Variants in PRKCH observed in about 807,000 individuals in gnomAD.
The protein encoded by PRKCH is protein kinase C eta.
In PRKCH, 28 loss-of-function variants were observed where a neutral mutation model predicts 82.5. The ratio of observed to expected loss-of-function variants is 0.34; its 90% CI spans 0.25 to 0.47. The LOEUF (loss-of-function observed/expected upper bound fraction) is 0.47. PRKCH is among the 20% of genes least tolerant of loss of function. PRKCH has a pLI of 1.00. For missense variants in PRKCH, 705 were observed against 881.8 expected (o/e 0.80, Z 2.54); for synonymous variants, 322 against 327.4 (o/e 0.98, Z 0.18).
intron 6 of PRKCH, among the ~76,000 whole-genome samples, chr14:61,451,212 C>T (rs1349595773): frequency 6.6e-6 from 1 of 151,990 alleles, no homozygotes; most frequent in Non-Finnish European, 1.5e-5. Context: ...TGATCTAGCT[C>T]GCTAGCTGAC....
At chr14:61,326,070 A>G (rs1334635410) in intron 1 of PRKCH, among the ~76,000 whole-genome samples, 2 of 152,260 alleles carry the variant, frequency 1.3e-5, no homozygotes. Flanking sequence ...ACTATCAAAC[A>G]TATGCCTACT....
chr14:61,228,627 A>G (rs561574818), intron 1 of PRKCH, among the ~76,000 whole-genome samples: 14 of 150,524 alleles, frequency 9.3e-5, no homozygotes, highest in Middle Eastern at 3.4e-3. Flanking sequence ...TTTTTTTTCT[A>G]GTAACAAATG....
chr14:61,345,725 C>A (rs1473603014), intron 1 of PRKCH, among the ~76,000 whole-genome samples: 1 of 152,188 alleles, frequency 6.6e-6, no homozygotes, highest in African/African-American at 2.4e-5. Context: ...TGGGAGGCAA[C>A]TGAGGCTCAG....
At chr14:61,210,772 CTCTCTCTCTCTCTCTCTCTGTG>C (rs1228505642) in intron 1 of PRKCH, among the ~76,000 whole-genome samples, 452 of 135,272 alleles carry the variant, frequency 3.3e-3, no homozygotes, top group Non-Finnish European at 5.4e-3. Context: ...CTCTCTCTCT[CTCTCTCTCTCTCTCTCTCTGTG>C]TGTGTGTGTG....
rs35045657 is a variant in PRKCH at position 61,287,204 on chromosome 14, T to TAAAAAAAAA, written c.-19+99558_-19+99566dup. Among the ~76,000 whole-genome samples, 4 of 57,930 alleles carry TAAAAAAAAA rather than the reference T, an allele frequency of 6.9e-5. No homozygotes were observed. In the East Asian group the frequency reaches 1.7e-3, roughly 25 times the overall value. The allele number at this position is 57,930 out of a possible 152,430, so 38.0% of individuals were successfully genotyped here. A position where few individuals can be genotyped will look rare whatever the true frequency, so the allele number is the denominator to read the frequency against. On this transcript the variant is annotated intron_variant, in intron 1 of 3. Transcript: ENST00000555185. ...TGAGCAACAGTGCAAGACTCCGTCT[T>TAAAAAAAAA]AAAAAAAAAAAAAAAAAAAAAAAAA...
intron 1 of PRKCH, among the ~76,000 whole-genome samples, chr14:61,360,398 G>A (rs1346576320): frequency 5.3e-5 from 8 of 152,064 alleles, no homozygotes; most frequent in African/African-American, 7.2e-5. Context: ...CCAGCTACTC[G>A]GGAGGCTGAG....
At chr14:61,523,530 A>G (rs2042930602) in intron 10 of PRKCH, among the ~76,000 whole-genome samples, 1 of 152,240 alleles carries the variant, frequency 6.6e-6, no homozygotes, top group African/African-American at 2.4e-5. Flanking sequence ...GTCTAGCTAT[A>G]TAATCTTGGG....
chr14:61,545,452 GTCA>G (rs2043243567), intron 12 of PRKCH, among the ~76,000 whole-genome samples: 1 of 152,156 alleles, frequency 6.6e-6, no homozygotes, highest in Admixed American at 6.5e-5. Context: ...CACTGTCTTT[GTCA>G]TCTGCGTATC....
intron 2 of PRKCH, among the ~76,000 whole-genome samples, chr14:61,425,112 T>C (rs1375621474): frequency 1.3e-5 from 2 of 152,220 alleles, no homozygotes; most frequent in African/African-American, 2.4e-5. Flanking sequence ...AAAGCCCTCA[T>C]AGAGAACCTC....
At chr14:61,377,328 T>G (rs1490152824) in intron 1 of PRKCH, among the ~76,000 whole-genome samples, 2 of 152,264 alleles carry the variant, frequency 1.3e-5, no homozygotes, top group African/African-American at 4.8e-5. Flanking sequence ...TTAGACTTAG[T>G]GTTTACCTTT....
intron 9 of PRKCH, among the ~76,000 whole-genome samples, chr14:61,470,617 G>T (rs1191589794): frequency 6.6e-6 from 1 of 152,074 alleles, no homozygotes; most frequent in African/African-American, 2.4e-5. Flanking sequence ...CTTTCTGTGG[G>T]AGGCTTCCAA....
intron 12 of PRKCH, among the ~76,000 whole-genome samples, chr14:61,542,174 C>A (rs2043195634): frequency 6.6e-6 from 1 of 152,030 alleles, no homozygotes; most frequent in Non-Finnish European, 1.5e-5. Context: ...CCTGTAATCC[C>A]AGCTACTCGG....
intron 1 of PRKCH, among the ~76,000 whole-genome samples, chr14:61,286,185 T>A (rs772094243): frequency 7.9e-5 from 12 of 152,248 alleles, no homozygotes; most frequent in Non-Finnish European, 1.5e-4. Context: ...GATTGTTGCC[T>A]ATTACTCTGC....
intron 10 of PRKCH, among the ~76,000 whole-genome samples, chr14:61,495,645 T>C (rs901714597): frequency 5.9e-5 from 9 of 152,232 alleles, no homozygotes; most frequent in African/African-American, 1.4e-4. Flanking sequence ...GCCCTCGAGC[T>C]TGGGGTGTTT....
intron 2 of PRKCH, among the ~76,000 whole-genome samples, chr14:61,415,773 A>G (rs1040392039): frequency 4.6e-5 from 7 of 152,190 alleles, no homozygotes; most frequent in Non-Finnish European, 1.0e-4. Context: ...CATCACCACC[A>G]TCCATCTCCA....
chr14:61,416,304 C>T (rs1445275716), intron 2 of PRKCH, among the ~76,000 whole-genome samples: 2 of 152,094 alleles, frequency 1.3e-5, no homozygotes, highest in Admixed American at 6.5e-5. Context: ...ATCCACTGGC[C>T]TCTGCCTCCC....
chr14:61,497,129 T>TA (rs1405271896), intron 10 of PRKCH, among the ~76,000 whole-genome samples: 1 of 152,192 alleles, frequency 6.6e-6, no homozygotes, highest in Non-Finnish European at 1.5e-5. Context: ...TAGAACAGAT[T>TA]CCTGGAAAGG....
At chr14:61,511,100 C>T (rs562415335) in intron 10 of PRKCH, among the ~76,000 whole-genome samples, 4 of 152,268 alleles carry the variant, frequency 2.6e-5, no homozygotes, top group Admixed American at 6.5e-5. Context: ...ACACAGTGAA[C>T]TCTCATCTTA....
At chr14:61,363,381 T>G (rs1212631984) in intron 1 of PRKCH, among the ~76,000 whole-genome samples, 1 of 152,174 alleles carries the variant, frequency 6.6e-6, no homozygotes, top group Non-Finnish European at 1.5e-5. Flanking sequence ...TGTGAGATGA[T>G]GAATATGTGT....
Sources: allele counts gnomAD v4.1 joint callset (sites outside exome capture counted in the v4.1 genomes callset), GRCh38; gene constraint gnomAD v4.1.1; transcripts MANE v1.5; gene names NCBI Gene and HGNC (gene_info 2026-07-23, HGNC 2026-07-21).